SSH2: variants seen among roughly 807,000 people sequenced by gnomAD.
The protein encoded by SSH2 is protein phosphatase Slingshot homolog 2.
Under a neutral mutation model 135.2 loss-of-function variants are expected in SSH2, and 37 were observed. That is an observed-to-expected ratio of 0.27 (90% confidence interval 0.21 to 0.36). The LOEUF is 0.36. Ranked by LOEUF, SSH2 falls within the 10% of genes least tolerant of loss-of-function variation. SSH2 has a pLI of 1.00. For synonymous variants in SSH2, 628 were observed against 646.2 expected, an observed-to-expected ratio of 0.97 and a Z score of 0.43; for missense variants, 1,408 against 1,765.3, an observed-to-expected ratio of 0.80 and a Z score of 3.63.
rs2067034760 is a variant in SSH2, at chr17:29,924,705, C to T, written c.63+5233G>A. On this transcript the variant is annotated intron_variant, in intron 1 of 15. Coordinates refer to ENST00000540801, the MANE Select transcript of SSH2 (RefSeq NM_001282129.2). ...CTTTCCCAGCACTATAGGGAACCTG[C>T]CTTTAGCAGCACCTGTAATTTTCCA... Among the ~76,000 whole-genome samples the T allele has an allele frequency of 1.3e-5, 2 of 151,978 alleles. 1 individual carries two copies. The highest frequency in any genetic ancestry group is 4.1e-4 in the South Asian group (2 of 4,820).
At chr17:29,642,757 A>C (rs575894021) in intron 14 of SSH2, among the ~76,000 whole-genome samples, 20 of 152,338 alleles carry the variant, frequency 1.3e-4, no homozygotes, top group African/African-American at 4.6e-4. Flanking sequence ...CTTGTATTTC[A>C]GAGGGGCTTG....
At chr17:29,649,767 T>C (rs1401006364) in intron 13 of SSH2, among the ~76,000 whole-genome samples, 1 of 152,176 alleles carries the variant, frequency 6.6e-6, no homozygotes, top group Non-Finnish European at 1.5e-5. Context: ...ATGGTATTAT[T>C]ACTGGGAATA....
chr17:29,929,958 T>G lies in SSH2; in HGVS notation c.43A>C (p.Thr15Pro). The G allele has an allele frequency of 6.3e-7, 1 of 1,598,868 alleles. No homozygotes were observed. The highest frequency in any genetic ancestry group is 2.3e-5 in the East Asian group (1 of 44,148). The change falls in exon 1 of 16, where the codon ACC (threonine) becomes CCC (proline). Residue 15 changes from threonine to proline, a missense_variant. Physicochemically the swap from Thr to Pro is conservative, Grantham distance 38. This residue lies in a region of SSH2 where 222 missense variants were observed against 355.6 expected (regional missense o/e 0.62). Coordinates refer to ENST00000540801, the MANE Select transcript of SSH2 (RefSeq NM_001282129.2). ...CTCACCGAGGCGCAGGGGCTGGAGG[T>G]GGTGCTGGGGGTAGGTGACCGCTGG... Reference protein sequence around the residue: ...TVQRSPTPSTTSSPCASSSHL... With the variant: ...TVQRSPTPSTPSSPCASSSHL...
chr17:29,856,690 C>T (rs1204458491), intron 1 of SSH2, among the ~76,000 whole-genome samples: 1 of 152,110 alleles, frequency 6.6e-6, no homozygotes, highest in Non-Finnish European at 1.5e-5. Flanking sequence ...TTCCTCCATC[C>T]CCGTCCTCCC....
chr17:29,651,969 C>T (rs1350005980), intron 12 of SSH2, among the ~76,000 whole-genome samples: 1 of 152,124 alleles, frequency 6.6e-6, no homozygotes, highest in Non-Finnish European at 1.5e-5. Context: ...ATGGTGAAAC[C>T]CCGTATCTAC....
At chr17:29,670,305 T>C (rs2037441083) in intron 9 of SSH2, among the ~76,000 whole-genome samples, 1 of 152,212 alleles carries the variant, frequency 6.6e-6, no homozygotes, top group Admixed American at 6.6e-5. Context: ...AAACCCATCA[T>C]CCAGCTGTAA....
intron 3 of SSH2, among the ~76,000 whole-genome samples, chr17:29,754,388 A>G (rs2041048970): frequency 6.6e-6 from 1 of 152,200 alleles, no homozygotes; most frequent in Non-Finnish European, 1.5e-5. Context: ...TAATACAAAA[A>G]ATAAGACTTT....
intron 3 of SSH2, among the ~76,000 whole-genome samples, chr17:29,758,228 C>G (rs2041192058): frequency 6.6e-6 from 1 of 152,058 alleles, no homozygotes; most frequent in Non-Finnish European, 1.5e-5. Flanking sequence ...CTCAGACTGC[C>G]AAGTCTCAAA....
chr17:29,765,573 CT>C (rs2041423873), intron 3 of SSH2, among the ~76,000 whole-genome samples: 1 of 152,112 alleles, frequency 6.6e-6, no homozygotes, highest in African/African-American at 2.4e-5. Context: ...TGAAAAATAG[CT>C]AAAGTGGACA....
chr17:29,665,408 C>G (rs2037228547), intron 11 of SSH2, among the ~76,000 whole-genome samples: 1 of 152,152 alleles, frequency 6.6e-6, no homozygotes, highest in African/African-American at 2.4e-5. Context: ...CCTAGAGTGT[C>G]AACAAGTTAT....
In SSH2 at chr17:29,759,183, G is replaced by C. The variant is rs566780461; in HGVS notation, c.188+34711C>G. 2.5e-3 allele frequency among the ~76,000 whole-genome samples: 378 copies of C among 152,162 alleles called. 2 individuals are homozygous for C. Among genetic ancestry groups the C allele is most frequent in the African/African-American group, 8.6e-3 (356 of 41,508 alleles). ...CCTTAGTAGCTGAGACTATAGGCAT[G>C]CGCCACCGCACCTGGCTAATTTTTT... On this transcript the variant is annotated intron_variant, in intron 3 of 15. Coordinates refer to ENST00000540801, the MANE Select transcript of SSH2 (RefSeq NM_001282129.2).
chr17:29,698,440 A>C (rs571355605), intron 4 of SSH2, among the ~76,000 whole-genome samples: 3 of 152,310 alleles, frequency 2.0e-5, no homozygotes, highest in African/African-American at 7.2e-5. Flanking sequence ...GTGAAAAGCT[A>C]CCGGAGTTAC....
intron 1 of SSH2, among the ~76,000 whole-genome samples, chr17:29,921,411 A>G (rs2066974193): frequency 6.6e-6 from 1 of 152,180 alleles, no homozygotes; most frequent in Non-Finnish European, 1.5e-5. Flanking sequence ...GATTGATTCA[A>G]CCTTTCTGCT....
chr17:29,632,169 CTTCCTGCTGTG>C lies in SSH2; in HGVS notation c.3014_3024del (p.Thr1005ArgfsTer16). ...ACAGTCCTCAGATCCTTCAGGACTCCTTCCTGCTGTGTTCCAGTATCTGACCCTGGGCCCTC... is the reference window on the plus strand; with the variant it reads ...ACAGTCCTCAGATCCTTCAGGACTCCTTCCAGTATCTGACCCTGGGCCCTC... On this transcript the variant is annotated frameshift_variant, in exon 16 of 16. Transcript: ENST00000540801. LOFTEE classifies it high-confidence loss of function. The C allele has an allele frequency of 1.2e-6, 2 of 1,614,072 alleles. No individual in the cohort carries two copies. The highest frequency in any genetic ancestry group is 1.7e-6 in the Non-Finnish European group (2 of 1,180,000).
In SSH2 at chr17:29,630,939, C is replaced by G; in HGVS notation, c.4255G>C (p.Ala1419Pro). The change falls in exon 16 of 16, where the codon GCA becomes CCA. Residue 1419 changes from alanine (A) to proline (P), a missense_variant. Around this residue, in one of 3 missense-constraint regions of SSH2, gnomAD observed 1,080 missense variants for 1,144.5 expected, o/e 0.94. Coordinates refer to ENST00000540801, the MANE Select transcript of SSH2 (RefSeq NM_001282129.2). ...GTTCTGCCGTGTTGCTGACGGGGTG[C>G]CACGGCCAGCCCTGGAGCTGGGCAT... is the stretch of plus-strand genomic sequence containing the variant. ...CACPAPGLAV[A>P]PRQQHGRTHP... The G allele has an allele frequency of 2.5e-6, 4 of 1,609,492 alleles. No homozygotes were observed. The highest frequency in any genetic ancestry group is 2.6e-6 in the Non-Finnish European group (3 of 1,176,094).
chr17:29,667,824 G>A (rs1233010560), intron 9 of SSH2, among the ~76,000 whole-genome samples: 3 of 152,158 alleles, frequency 2.0e-5, no homozygotes, highest in Non-Finnish European at 4.4e-5. Context: ...TGGGGCAGGA[G>A]AACTACAACG....
chr17:29,848,075 T>C (rs1599084856), intron 2 of SSH2, among the ~76,000 whole-genome samples: 3 of 152,190 alleles, frequency 2.0e-5, no homozygotes, highest in African/African-American at 7.2e-5. Flanking sequence ...ATTTCTTTCC[T>C]GGTGAAACTA....
At chr17:29,675,905 T>C (rs2037695248) in intron 8 of SSH2, 1 of 152,134 alleles carries the variant, frequency 6.6e-6, no homozygotes, top group Non-Finnish European at 1.5e-5. Context: ...CAAAGCATGT[T>C]TTCTCACCCA....
chr17:29,744,427 C>A (rs944925945), intron 3 of SSH2, among the ~76,000 whole-genome samples: 1 of 152,172 alleles, frequency 6.6e-6, no homozygotes, highest in Non-Finnish European at 1.5e-5. Flanking sequence ...TGCAGTATCT[C>A]TTTTTTGACT....
Sources: allele counts gnomAD v4.1 joint callset (sites outside exome capture counted in the v4.1 genomes callset), GRCh38; gene constraint gnomAD v4.1.1; regional missense constraint gnomAD v4.1.1; transcripts MANE v1.5; gene names NCBI Gene and HGNC (gene_info 2026-07-23, HGNC 2026-07-21).